ATP8A2: variants seen among roughly 807,000 people sequenced by gnomAD.
The protein encoded by ATP8A2 is phospholipid-transporting ATPase IB.
ATP8A2 carries 100 observed loss-of-function variants against 165.6 expected under a neutral mutation model. The ratio of observed to expected loss-of-function variants is 0.60; its 90% CI spans 0.51 to 0.71. The LOEUF is 0.71. ATP8A2 is among the 30% of genes least tolerant of loss of function. The pLI is 0.00. For missense variants in ATP8A2, 1,227 were observed against 1,479.5 expected, an observed-to-expected ratio of 0.83 and a Z score of 2.80; for synonymous variants, 543 against 548.8, an observed-to-expected ratio of 0.99 and a Z score of 0.15.
At chr13:25,809,735 T>C (rs1950820250) in intron 27 of ATP8A2, among the ~76,000 whole-genome samples, 1 of 152,150 alleles carries the variant, frequency 6.6e-6, no homozygotes, top group Non-Finnish European at 1.5e-5. Context: ...CTGTATTACT[T>C]GTGTCCTCAC....
intron 1 of ATP8A2, among the ~76,000 whole-genome samples, chr13:25,449,661 C>A (rs2035159902): frequency 6.6e-6 from 1 of 152,116 alleles, no homozygotes; most frequent in Admixed American, 6.5e-5. Flanking sequence ...ATTGACATCT[C>A]CAAGTATAAT....
At chr13:25,672,190 C>T (rs2419323) in intron 24 of ATP8A2, among the ~76,000 whole-genome samples, 54,900 of 151,932 alleles carry the variant, frequency 0.36, 10,783 homozygotes, top group Middle Eastern at 0.47. Flanking sequence ...TATGTTTGTT[C>T]GGGGGGCCTA....
chr13:25,781,921 C>T (rs1262107420), intron 27 of ATP8A2, among the ~76,000 whole-genome samples: 1 of 152,202 alleles, frequency 6.6e-6, no homozygotes, highest in Non-Finnish European at 1.5e-5. Flanking sequence ...ACTTGGTCAA[C>T]CCTATTACAA....
At chr13:25,744,288 G>C (rs910479350) in intron 25 of ATP8A2, among the ~76,000 whole-genome samples, 8 of 151,928 alleles carry the variant, frequency 5.3e-5, no homozygotes, top group Middle Eastern at 3.4e-3. Flanking sequence ...GTTGAAATCA[G>C]CTCTCATGCC....
At chr13:25,666,893 A>G (rs192521198) in intron 24 of ATP8A2, among the ~76,000 whole-genome samples, 46 of 152,340 alleles carry the variant, frequency 3.0e-4, no homozygotes, top group Admixed American at 2.0e-3. Context: ...TCTGTTCTTA[A>G]AAGAAATAAG....
At chr13:25,941,462 C>CGTGTCT (rs1566288287) in intron 33 of ATP8A2, among the ~76,000 whole-genome samples, 2 of 151,848 alleles carry the variant, frequency 1.3e-5, no homozygotes, top group African/African-American at 4.8e-5. Flanking sequence ...TAGGAGGCAG[C>CGTGTCT]GTGTCTGGCC....
At chr13:25,760,301 A>G (rs1233166343) in intron 25 of ATP8A2, among the ~76,000 whole-genome samples, 1 of 152,240 alleles carries the variant, frequency 6.6e-6, no homozygotes, top group East Asian at 1.9e-4. Context: ...AATTAAGATC[A>G]GTAAAATATA....
intron 33 of ATP8A2, among the ~76,000 whole-genome samples, chr13:25,910,512 C>G (rs918317429): frequency 6.6e-6 from 1 of 152,164 alleles, no homozygotes; most frequent in African/African-American, 2.4e-5. Context: ...GTTACCTTAT[C>G]AGCTGTGTGT....
At chr13:25,643,550 A>C (rs2137582214) in intron 24 of ATP8A2, among the ~76,000 whole-genome samples, 1 of 152,160 alleles carries the variant, frequency 6.6e-6, no homozygotes, top group South Asian at 2.1e-4. Flanking sequence ...CCCTATTTGT[A>C]TTCTTGGCAC....
intron 1 of ATP8A2, among the ~76,000 whole-genome samples, chr13:25,450,581 G>C (rs1290715777): frequency 1.3e-5 from 2 of 152,162 alleles, no homozygotes; most frequent in Non-Finnish European, 2.9e-5. Context: ...GCCCAGGCTG[G>C]AGTGCAGTGG....
intron 25 of ATP8A2, chr13:25,705,466 A>T (rs2043038106): frequency 6.1e-6 from 1 of 162,660 alleles, no homozygotes; most frequent in Non-Finnish European, 1.3e-5. Flanking sequence ...TTTCCACGGG[A>T]TGTGCAAATT....
At chr13:25,466,266 T>C (rs1397395131) in intron 1 of ATP8A2, among the ~76,000 whole-genome samples, 21 of 152,158 alleles carry the variant, frequency 1.4e-4, no homozygotes, top group Non-Finnish European at 5.9e-5. Context: ...TTGTTTTTTT[T>C]AGTTGGCCCT....
In ATP8A2 at chr13:25,600,134, A is replaced by G. The variant is rs139864416; in HGVS notation, c.2211+10435A>G. 1.0e-3 allele frequency among the ~76,000 whole-genome samples: 153 copies of G among 152,336 alleles called. 1 individual carries two copies. Among genetic ancestry groups the G allele is most frequent in the African/African-American group, 3.6e-3 (149 of 41,578 alleles). On this transcript the variant is annotated intron_variant, in intron 24 of 36. Coordinates refer to ENST00000381655, the MANE Select transcript of ATP8A2 (RefSeq NM_016529.6). ...CTAGGGCAGGGATTGGCAAAGTACAACCCTCAGGAGAAATCTGACCCAACA... is the reference window on the plus strand; with the variant it reads ...CTAGGGCAGGGATTGGCAAAGTACAGCCCTCAGGAGAAATCTGACCCAACA...
intron 2 of ATP8A2, among the ~76,000 whole-genome samples, chr13:25,500,126 G>A (rs1229093228): frequency 6.6e-6 from 1 of 152,122 alleles, no homozygotes; most frequent in Non-Finnish European, 1.5e-5. Context: ...CTCCATAAAT[G>A]TATTGCCTGC....
At chr13:25,560,185 C>T (rs2039100714) in intron 15 of ATP8A2, among the ~76,000 whole-genome samples, 1 of 151,936 alleles carries the variant, frequency 6.6e-6, no homozygotes, top group Admixed American at 6.6e-5. Context: ...ATAAAAGTTG[C>T]ATATATGTTG....
chr13:25,551,415 C>T lies in ATP8A2; in HGVS notation c.969C>T (p.Ile323=). 1.2e-6 allele frequency: 2 copies of T among 1,614,080 alleles called. No individual in the cohort carries two copies. Among genetic ancestry groups the T allele is most frequent in the Non-Finnish European group, 1.7e-6 (2 of 1,179,970 alleles). The change falls in exon 11 of 37, where the codon ATC becomes ATT. Residue 323 remains isoleucine (I), a synonymous_variant. Transcript: ENST00000381655. ...TNVQILVLFG[I]LLVMALVSSA... The stretch of plus-strand genomic sequence containing the variant: ...TGCAGATCCTGGTGTTGTTTGGCAT[C>T]CTCTTGGTCATGGCCTTGGTGAGCT...
intron 1 of ATP8A2, among the ~76,000 whole-genome samples, chr13:25,412,285 G>T (rs1259527855): frequency 6.6e-6 from 1 of 151,220 alleles, no homozygotes; most frequent in Non-Finnish European, 1.5e-5. Flanking sequence ...ATTCCTGCAG[G>T]ATACCTAGGA....
intron 27 of ATP8A2, among the ~76,000 whole-genome samples, chr13:25,778,249 A>AT (rs1397962592): frequency 1.3e-5 from 2 of 152,174 alleles, no homozygotes; most frequent in African/African-American, 4.8e-5. Flanking sequence ...TAATTAGACC[A>AT]TTTTTACCAC....
At chr13:25,744,514 T>G (rs559836630) in intron 25 of ATP8A2, among the ~76,000 whole-genome samples, 10 of 152,250 alleles carry the variant, frequency 6.6e-5, no homozygotes, top group Non-Finnish European at 1.2e-4. Context: ...ACTTAATTTT[T>G]ATACAGATTG....
Sources: gnomAD v4.1 joint callset for allele counts (sites outside exome capture counted in the v4.1 genomes callset) on GRCh38, gnomAD v4.1.1 for gene constraint, MANE v1.5 for transcripts, NCBI Gene and HGNC (gene_info 2026-07-23, HGNC 2026-07-21) for gene names.